The following TFB1M variants were observed in gnomAD, a reference collection of about 807,000 sequenced individuals.
TFB1M encodes dimethyladenosine transferase 1, mitochondrial.
Under a neutral mutation model 31.1 loss-of-function variants are expected in TFB1M, and 27 were observed. That is an observed-to-expected ratio of 0.87 (90% CI 0.64 to 1.20). The LOEUF is 1.20. Among genes scored for constraint, TFB1M ranks in the 50% most tolerant of loss-of-function variants. The probability of loss-of-function intolerance (pLI) is 0.00; values close to 1 mark genes in which losing one functional copy is unlikely to be tolerated. For synonymous variants in TFB1M, 166 were observed against 151.8 expected (o/e 1.09, Z -0.69); for missense variants, 394 against 418.7 (o/e 0.94, Z 0.51).
chr6:155,314,443 A>G lies in TFB1M; in HGVS notation c.-15T>C. On this transcript the variant is annotated 5_prime_UTR_variant, in exon 1 of 7. Coordinates refer to ENST00000367166, the MANE Select transcript of TFB1M (RefSeq NM_016020.4). ...GAGGCAGCCATGATACGCGGCAAGC[A>G]CCATCCAACCCTACCTCACCCAGGA... The G allele has an allele frequency of 4.3e-6, 7 of 1,614,044 alleles. No individual in the cohort carries two copies. The highest frequency in any genetic ancestry group is 5.9e-6 in the Non-Finnish European group (7 of 1,179,980).
downstream of TFB1M, chr6:155,254,407 C>G (rs773621969): frequency 5.0e-6 from 8 of 1,609,778 alleles, no homozygotes; most frequent in South Asian, 1.1e-5. Flanking sequence ...TTTTCTCTCC[C>G]CCCCCACCCA....
At chr6:155,286,174 G>A (rs1434141183) in intron 4 of TFB1M, among the ~76,000 whole-genome samples, 2 of 152,086 alleles carry the variant, frequency 1.3e-5, no homozygotes, top group Admixed American at 6.6e-5. Context: ...AGTGACACCG[G>A]TGTAATTAGA....
At position 155,257,191 on chromosome 6, in the gene TFB1M, A is replaced by G; in HGVS notation, c.*645T>C. ...AAACTGGTGGTAAAGTGGAAATTGC[A>G]AAAAAAAAAAAAAAAAAAAACTGTT... On this transcript the variant is annotated 3_prime_UTR_variant, in exon 7 of 7. Coordinates refer to ENST00000367166, the MANE Select transcript of TFB1M (RefSeq NM_016020.4). 6.4e-6 allele frequency: 1 copy of G among 156,678 alleles called. No homozygotes were observed. Among genetic ancestry groups the G allele is most frequent in the South Asian group, 1.6e-4 (1 of 6,408 alleles). 9.7% of individuals were successfully genotyped at this position (156,678 alleles called of 1,614,324 possible).
downstream of TFB1M, chr6:155,254,183 G>C: frequency 8.7e-7 from 1 of 1,155,584 alleles, no homozygotes; most frequent in African/African-American, 1.6e-5. Context: ...CCCACCCTCC[G>C]AAAAAGGCAA....
chr6:155,257,856 C>A lies in TFB1M; in HGVS notation c.1021G>T (p.Ala341Ser), dbSNP rs149125723. The A allele has an allele frequency of 6.2e-7, 1 of 1,614,186 alleles. No individual in the cohort carries two copies. Among genetic ancestry groups the A allele is most frequent in the South Asian group, 1.1e-5 (1 of 91,086 alleles). ...AGCAGCTAGAGTCTGTAATTCTCTG[C>A]GTCATCCTCTTCTTTTTCTTCATTT... Reference protein sequence around the residue: ...SKNEEKEEDDAENYRL With the variant: ...SKNEEKEEDDSENYRL The change falls in exon 7 of 7, where the codon GCA (alanine) becomes TCA (serine). Residue 341 changes from alanine (A) to serine (S), a missense_variant. By Grantham distance (99) the Ala-to-Ser change is moderately conservative (BLOSUM62 1). This residue lies in a region of TFB1M where 6 missense variants were observed against 18.1 expected (regional missense o/e 0.33). Coordinates refer to ENST00000367166, the MANE Select transcript of TFB1M (RefSeq NM_016020.4).
At chr6:155,300,108 G>A (rs907663263) in intron 2 of TFB1M, among the ~76,000 whole-genome samples, 1 of 152,172 alleles carries the variant, frequency 6.6e-6, no homozygotes, top group Non-Finnish European at 1.5e-5. Flanking sequence ...TTTTAGCCTG[G>A]GAGATGTTGG....
chr6:155,264,852 C>T (rs1007940341), intron 5 of TFB1M, among the ~76,000 whole-genome samples: 11 of 152,124 alleles, frequency 7.2e-5, no homozygotes, highest in African/African-American at 2.7e-4. Flanking sequence ...ATGTAAATTA[C>T]ACCTATTAGT....
chr6:155,291,111 G>A (rs1354923517), intron 4 of TFB1M, among the ~76,000 whole-genome samples: 1 of 152,140 alleles, frequency 6.6e-6, no homozygotes, highest in Admixed American at 6.5e-5. Flanking sequence ...ATAGCTGGTC[G>A]CTCAGAACTC....
chr6:155,305,665 A>C (rs1330947775), intron 2 of TFB1M, among the ~76,000 whole-genome samples: 6 of 91,188 alleles, frequency 6.6e-5, no homozygotes, highest in Non-Finnish European at 1.1e-4. Flanking sequence ...ATATTTATAT[A>C]TATAAATATA....
At chr6:155,289,334 G>A (rs931324912) in intron 4 of TFB1M, among the ~76,000 whole-genome samples, 5 of 152,140 alleles carry the variant, frequency 3.3e-5, no homozygotes, top group African/African-American at 1.2e-4. Flanking sequence ...GACTTTAGCA[G>A]AAAACACACT....
chr6:155,295,999 C>T (rs1777151933), intron 4 of TFB1M, among the ~76,000 whole-genome samples: 1 of 152,094 alleles, frequency 6.6e-6, no homozygotes, highest in African/African-American at 2.4e-5. Context: ...GCTGTATACT[C>T]TTGTACTTAT....
chr6:155,250,882 A>G, the TFB1M span: 1 of 1,602,948 alleles, frequency 6.2e-7, no homozygotes, highest in Non-Finnish European at 8.5e-7. Context: ...GGATTTCCGT[A>G]TCTTCCTTAC....
chr6:155,299,116 C>T (rs937765103), intron 2 of TFB1M, among the ~76,000 whole-genome samples: 3 of 152,048 alleles, frequency 2.0e-5, no homozygotes, highest in African/African-American at 7.2e-5. Context: ...CTTGGCACTC[C>T]GAGATACTCC....
intron 4 of TFB1M, among the ~76,000 whole-genome samples, chr6:155,295,381 A>G (rs1777122087): frequency 6.6e-6 from 1 of 152,032 alleles, no homozygotes; most frequent in South Asian, 2.1e-4. Flanking sequence ...AAAAAAGGAC[A>G]AAACTAAAGT....
chr6:155,268,679 T>C (rs953122658), intron 5 of TFB1M, among the ~76,000 whole-genome samples: 7 of 152,126 alleles, frequency 4.6e-5, no homozygotes, highest in African/African-American at 1.7e-4. Context: ...AAACATGTGC[T>C]GTGTCCACTC....
intron 1 of TFB1M, among the ~76,000 whole-genome samples, chr6:155,312,129 C>T (rs933798506): frequency 6.6e-6 from 1 of 152,034 alleles, no homozygotes; most frequent in African/African-American, 2.4e-5. Context: ...ACTGGTCTTC[C>T]TAGGATAGTG....
At chr6:155,277,934 G>C (rs981221727) in intron 5 of TFB1M, among the ~76,000 whole-genome samples, 1 of 152,114 alleles carries the variant, frequency 6.6e-6, no homozygotes, top group Admixed American at 6.5e-5. Context: ...TACAGTAAAA[G>C]TTATCTTTAT....
At chr6:155,233,908 A>G in the TFB1M span, among the ~76,000 whole-genome samples, 2 of 151,694 alleles carry the variant, frequency 1.3e-5, no homozygotes, top group African/African-American at 4.9e-5. Flanking sequence ...GGCTGCAGTG[A>G]GCTATGATTG....
At chr6:155,244,548 T>C in the TFB1M span, 1 of 1,339,452 alleles carries the variant, frequency 7.5e-7, no homozygotes, top group South Asian at 1.5e-5. Context: ...ACTTTCTGTC[T>C]GCTTTTCCGT....
Sources: allele counts gnomAD v4.1 joint callset (sites outside exome capture counted in the v4.1 genomes callset), GRCh38; gene constraint gnomAD v4.1.1; regional missense constraint gnomAD v4.1.1; transcripts MANE v1.5; gene names NCBI Gene and HGNC (gene_info 2026-07-23, HGNC 2026-07-21).